BIN3: variants seen among roughly 807,000 people sequenced by gnomAD.
The protein encoded by BIN3 is bridging integrator 3.
BIN3 carries 41 observed loss-of-function variants against 38.2 expected under a neutral mutation model. The ratio of observed to expected loss-of-function variants is 1.07; its 90% CI spans 0.84 to 1.39. BIN3 has a LOEUF of 1.39. Among genes scored for constraint, BIN3 ranks in the 40% most tolerant of loss-of-function variants. BIN3 has a pLI of 0.00. For synonymous variants in BIN3, 145 were observed against 122.6 expected, an observed-to-expected ratio of 1.18 and a Z score of -1.21; for missense variants, 361 against 324.3, an observed-to-expected ratio of 1.11 and a Z score of -0.87.
At chr8:22,656,013 C>A (rs1050840122) in intron 1 of BIN3, among the ~76,000 whole-genome samples, 4 of 151,998 alleles carry the variant, frequency 2.6e-5, no homozygotes, top group African/African-American at 9.7e-5. Context: ...AATTTTTTTC[C>A]AGGTAATTTC....
chr8:22,656,223 G>GTTT (rs71206533), intron 1 of BIN3, among the ~76,000 whole-genome samples: 7 of 137,168 alleles, frequency 5.1e-5, no homozygotes, highest in East Asian at 4.2e-4. Flanking sequence ...GGTCTTAAGG[G>GTTT]TTTTTTTTTT....
At chr8:22,638,555 G>C (rs965507161) in intron 2 of BIN3, among the ~76,000 whole-genome samples, 2 of 152,208 alleles carry the variant, frequency 1.3e-5, no homozygotes, top group African/African-American at 4.8e-5. Flanking sequence ...ACAACTGCCA[G>C]ATACAAATTT....
chr8:22,659,352 A>G (rs1371281526), intron 1 of BIN3, among the ~76,000 whole-genome samples: 1 of 152,212 alleles, frequency 6.6e-6, no homozygotes, highest in Non-Finnish European at 1.5e-5. Context: ...ACCCGCCAAC[A>G]GTCCGAGGAG....
At chr8:22,644,894 G>T in intron 1 of BIN3, 91 bp from the exon 2 acceptor site, 1 of 1,170,662 alleles carries the variant, frequency 8.5e-7, no homozygotes, top group Non-Finnish European at 1.2e-6. Context: ...CTTTCCCCCA[G>T]GAGGGCGAGG....
intron 4 of BIN3, among the ~76,000 whole-genome samples, chr8:22,634,136 T>C (rs1802292801): frequency 6.6e-6 from 1 of 152,188 alleles, no homozygotes; most frequent in Non-Finnish European, 1.5e-5. Context: ...AAGGAAGCAA[T>C]GGCTCACAGC....
chr8:22,625,621 T>G (rs557471569), intron 6 of BIN3: 9 of 569,582 alleles, frequency 1.6e-5, no homozygotes, highest in African/African-American at 1.5e-4. Flanking sequence ...AGAGTCTTGC[T>G]CTCTCACCCA....
intron 6 of BIN3, among the ~76,000 whole-genome samples, chr8:22,626,899 C>G (rs1477247892): frequency 6.6e-6 from 1 of 152,180 alleles, no homozygotes; most frequent in Non-Finnish European, 1.5e-5. Context: ...TCAGAGCCAC[C>G]AGGAGCGCTG....
At chr8:22,629,122 G>A (rs1054273899) in intron 6 of BIN3, among the ~76,000 whole-genome samples, 6 of 152,324 alleles carry the variant, frequency 3.9e-5, no homozygotes, top group African/African-American at 9.6e-5. Flanking sequence ...TCAGCAATCC[G>A]AAACACCAGG....
intron 6 of BIN3, among the ~76,000 whole-genome samples, chr8:22,629,264 G>A (rs771094155): frequency 6.6e-6 from 1 of 152,232 alleles, no homozygotes; most frequent in Non-Finnish European, 1.5e-5. Context: ...AGGCAAGGAA[G>A]TGCAGCTGGG....
chr8:22,641,250 G>T (rs905274890), intron 2 of BIN3, among the ~76,000 whole-genome samples: 1 of 152,170 alleles, frequency 6.6e-6, no homozygotes, highest in Non-Finnish European at 1.5e-5. Flanking sequence ...GCTGGGCCAG[G>T]CTGGCGAGGT....
intron 1 of BIN3, among the ~76,000 whole-genome samples, chr8:22,658,471 T>C (rs1199924606): frequency 1.3e-5 from 2 of 152,266 alleles, no homozygotes; most frequent in Non-Finnish European, 2.9e-5. Flanking sequence ...GCCCCTGCTC[T>C]TGTGTAATGT....
chr8:22,637,844 C>T (rs1461570434), intron 2 of BIN3, among the ~76,000 whole-genome samples: 6 of 152,302 alleles, frequency 3.9e-5, no homozygotes, highest in African/African-American at 1.4e-4. Context: ...AAGTCAAAAC[C>T]GCTAACTCAC....
At chr8:22,654,592 T>C (rs1803000868) in intron 1 of BIN3, among the ~76,000 whole-genome samples, 1 of 152,242 alleles carries the variant, frequency 6.6e-6, no homozygotes, top group South Asian at 2.1e-4. Flanking sequence ...TGTGGCCTTT[T>C]GTGTCAGCCT....
At chr8:22,654,617 A>T (rs1285721314) in intron 1 of BIN3, among the ~76,000 whole-genome samples, 1 of 152,138 alleles carries the variant, frequency 6.6e-6, no homozygotes, top group Non-Finnish European at 1.5e-5. Flanking sequence ...CACTTAGCAA[A>T]ATGTTTTTGA....
intron 4 of BIN3, among the ~76,000 whole-genome samples, chr8:22,631,875 T>C (rs543948775): frequency 6.6e-6 from 1 of 152,280 alleles, no homozygotes; most frequent in East Asian, 1.9e-4. Context: ...GTCCTGAACA[T>C]GTTTTCAGGC....
intron 1 of BIN3, among the ~76,000 whole-genome samples, chr8:22,663,207 A>AGTGTGTGT (rs3220194): frequency 3.0e-4 from 45 of 150,258 alleles, no homozygotes; most frequent in African/African-American, 8.6e-4. Context: ...TTCAAGTATA[A>AGTGTGTGT]GTGTGTGTGT....
At chr8:22,638,138 A>C (rs1489057545) in intron 2 of BIN3, among the ~76,000 whole-genome samples, 1 of 152,190 alleles carries the variant, frequency 6.6e-6, no homozygotes, top group Admixed American at 6.5e-5. Flanking sequence ...TTCTGCTCTG[A>C]GGGTCAGGGA....
In BIN3 at chr8:22,649,478, G is replaced by A. The variant is rs540335640; in HGVS notation, c.9-4675C>T. On this transcript the variant is annotated intron_variant, in intron 1 of 8. Coordinates refer to ENST00000276416, the MANE Select transcript of BIN3 (RefSeq NM_018688.6). Reference sequence around the variant, plus strand: ...ATAAAAGGGGATGGGGTGGGTGGGGGTATAAGGGAGGAAAAGGAGAGGGAA... The same window carrying A: ...ATAAAAGGGGATGGGGTGGGTGGGGATATAAGGGAGGAAAAGGAGAGGGAA... Among the ~76,000 whole-genome samples, 66 of 151,796 alleles carry A rather than the reference G, an allele frequency of 4.3e-4. 1 individual carries two copies. The East Asian group carries it at 0.011, about 26-fold the overall frequency.
At chr8:22,644,336 C>A (rs1054471402) in intron 2 of BIN3, among the ~76,000 whole-genome samples, 1 of 152,250 alleles carries the variant, frequency 6.6e-6, no homozygotes, top group Non-Finnish European at 1.5e-5. Context: ...GCCGAGGCCA[C>A]TGGGAAAAGC....
Sources: allele counts gnomAD v4.1 joint callset (sites outside exome capture counted in the v4.1 genomes callset), GRCh38; gene constraint gnomAD v4.1.1; transcripts MANE v1.5; gene names NCBI Gene and HGNC (gene_info 2026-07-23, HGNC 2026-07-21).